The following HMBOX1 variants were observed in gnomAD, a reference collection of about 807,000 sequenced individuals.
The protein encoded by HMBOX1 is homeobox containing 1.
A neutral mutation model predicts 54.5 loss-of-function variants in HMBOX1; 14 were observed. That is an observed-to-expected ratio of 0.26 (90% CI 0.17 to 0.40). HMBOX1 has a LOEUF of 0.40. HMBOX1 is among the 10% of genes least tolerant of loss of function. The pLI is 1.00. For synonymous variants in HMBOX1, 160 were observed against 181.0 expected (o/e 0.88, Z 0.93); for missense variants, 332 against 514.4 (o/e 0.65, Z 3.43).
At chr8:28,950,451 A>C (rs1823214156) in intron 1 of HMBOX1, among the ~76,000 whole-genome samples, 1 of 152,242 alleles carries the variant, frequency 6.6e-6, no homozygotes, top group Non-Finnish European at 1.5e-5. Context: ...ATGTAACTTA[A>C]CAGTAATGAC....
intron 9 of HMBOX1, chr8:29,050,322 C>G: frequency 1.6e-6 from 1 of 623,252 alleles, no homozygotes; most frequent in Non-Finnish European, 2.0e-6. Context: ...ATGCCAGCTT[C>G]CTTCACAGCT....
At chr8:28,910,008 C>A (rs1269824554) in intron 1 of HMBOX1, among the ~76,000 whole-genome samples, 2 of 152,142 alleles carry the variant, frequency 1.3e-5, no homozygotes, top group African/African-American at 4.8e-5. Flanking sequence ...ACTTTCATCA[C>A]CTCCACAAGA....
intron 1 of HMBOX1, among the ~76,000 whole-genome samples, chr8:28,961,157 A>G (rs1825520492): frequency 6.6e-6 from 1 of 152,160 alleles, no homozygotes; most frequent in Non-Finnish European, 1.5e-5. Context: ...CCATAAATTT[A>G]TATCCCTAAT....
intron 1 of HMBOX1, among the ~76,000 whole-genome samples, chr8:28,925,542 G>GA (rs1271417264): frequency 3.9e-5 from 6 of 152,144 alleles, no homozygotes; most frequent in African/African-American, 1.4e-4. Context: ...TTCTATAGTT[G>GA]AAAATAAGAT....
At chr8:29,006,118 G>A (rs973695614) in intron 4 of HMBOX1, among the ~76,000 whole-genome samples, 1 of 149,272 alleles carries the variant, frequency 6.7e-6, no homozygotes, top group Non-Finnish European at 1.5e-5. Context: ...TCAGCCTCCC[G>A]AGTAGCTGGG....
chr8:28,963,941 G>A (rs1826024316), intron 2 of HMBOX1, 51 bp downstream of exon 2: 1 of 1,372,078 alleles, frequency 7.3e-7, no homozygotes, highest in Non-Finnish European at 1.0e-6. Context: ...TTTTAGTAAA[G>A]TTAAGATGTC....
At chr8:28,954,456 C>G (rs1194929845) in intron 1 of HMBOX1, among the ~76,000 whole-genome samples, 3 of 152,104 alleles carry the variant, frequency 2.0e-5, no homozygotes, top group Non-Finnish European at 1.5e-5. Context: ...TTGCTTTCTT[C>G]CAGAAGCCTT....
intron 4 of HMBOX1, among the ~76,000 whole-genome samples, chr8:29,007,822 G>A (rs1833683080): frequency 6.6e-6 from 1 of 152,112 alleles, no homozygotes; most frequent in Non-Finnish European, 1.5e-5. Flanking sequence ...AAGAAAAAAA[G>A]AAAGATGTTT....
intron 3 of HMBOX1, among the ~76,000 whole-genome samples, chr8:28,972,036 A>G (rs575084668): frequency 6.2e-4 from 95 of 152,368 alleles, no homozygotes; most frequent in African/African-American, 2.2e-3. Context: ...TAGTACCACA[A>G]TGTTGAAATA....
Position 29,047,398 on chromosome 8 carries a change from A to G in HMBOX1, c.975A>G (p.Lys325=). The G allele has an allele frequency of 1.2e-6, 2 of 1,611,340 alleles. No homozygotes were observed. Among genetic ancestry groups the G allele is most frequent in the Non-Finnish European group, 1.7e-6 (2 of 1,177,500 alleles). Residue 325 remains lysine (K), a synonymous_variant, in exon 8 of 10, where the codon AAA becomes AAG. Transcript: ENST00000287701. ...ATCTGGAAAGAGTTACCTCCCTGAAAGTATATAATTGGTTTGCTAACAGAA... is the reference window on the plus strand; with the variant it reads ...ATCTGGAAAGAGTTACCTCCCTGAAGGTATATAATTGGTTTGCTAACAGAA... The part of the protein sequence containing the change: ...LSDLERVTSL[K]VYNWFANRRK...
intron 2 of HMBOX1, among the ~76,000 whole-genome samples, chr8:28,969,043 G>A (rs1349231021): frequency 6.6e-6 from 1 of 152,046 alleles, no homozygotes; most frequent in Non-Finnish European, 1.5e-5. Flanking sequence ...CTTGGTGGCA[G>A]GTGCCTGTAA....
chr8:29,027,408 A>C (rs1425286538), intron 6 of HMBOX1, among the ~76,000 whole-genome samples: 1 of 152,198 alleles, frequency 6.6e-6, no homozygotes, highest in Non-Finnish European at 1.5e-5. Context: ...TTCATGGCCT[A>C]GGAGAGTGAC....
chr8:29,010,525 C>T (rs1399514082), intron 5 of HMBOX1, among the ~76,000 whole-genome samples: 1 of 151,672 alleles, frequency 6.6e-6, no homozygotes, highest in African/African-American at 2.4e-5. Context: ...CACTGCACTC[C>T]AGCCTGGATG....
chr8:28,984,955 A>G (rs1829953847), intron 4 of HMBOX1, among the ~76,000 whole-genome samples: 1 of 152,236 alleles, frequency 6.6e-6, no homozygotes, highest in Admixed American at 6.5e-5. Context: ...TAAGAAATTT[A>G]CCATAATTTT....
intron 6 of HMBOX1, among the ~76,000 whole-genome samples, chr8:29,036,742 TGAG>T (rs1370785957): frequency 6.6e-6 from 1 of 152,214 alleles, no homozygotes; most frequent in Non-Finnish European, 1.5e-5. Flanking sequence ...ATGTCTTAGC[TGAG>T]TAGTGGCTGT....
chr8:28,953,798 A>G (rs1423276339), intron 1 of HMBOX1, among the ~76,000 whole-genome samples: 1 of 152,192 alleles, frequency 6.6e-6, no homozygotes, highest in Non-Finnish European at 1.5e-5. Context: ...GGTGATAGGT[A>G]TATAAGCGTT....
chr8:28,988,684 A>G (rs972642023), intron 4 of HMBOX1, among the ~76,000 whole-genome samples: 12 of 152,098 alleles, frequency 7.9e-5, no homozygotes, highest in Admixed American at 7.9e-4. Flanking sequence ...ATGACTGATT[A>G]TGTTGAGCAT....
At chr8:28,953,527 T>C (rs552235716) in intron 1 of HMBOX1, among the ~76,000 whole-genome samples, 2 of 152,316 alleles carry the variant, frequency 1.3e-5, no homozygotes, top group South Asian at 4.1e-4. Flanking sequence ...TAAATAGTCA[T>C]TTTCATTTAC....
intron 4 of HMBOX1, among the ~76,000 whole-genome samples, chr8:28,985,294 G>A (rs539012696): frequency 1.3e-5 from 2 of 152,272 alleles, no homozygotes; most frequent in South Asian, 4.1e-4. Flanking sequence ...CGTAGTGGCA[G>A]GGGGAACGGG....
Sources: allele counts gnomAD v4.1 joint callset (sites outside exome capture counted in the v4.1 genomes callset), GRCh38; gene constraint gnomAD v4.1.1; transcripts MANE v1.5; gene names NCBI Gene and HGNC (gene_info 2026-07-23, HGNC 2026-07-21).